Variants in EFTUD2 observed in about 807,000 individuals in gnomAD.
EFTUD2 encodes the protein elongation factor Tu GTP binding domain containing 2, also known as 116 kDa U5 small nuclear ribonucleoprotein component.
A neutral mutation model predicts 114.3 loss-of-function variants in EFTUD2; 9 were observed. The observed-to-expected ratio is 0.08, with a 90% CI of 0.05 to 0.14. EFTUD2 has a LOEUF of 0.14. Among genes scored for constraint, EFTUD2 ranks in the 10% least tolerant of loss-of-function variants. EFTUD2 has a pLI of 1.00. For synonymous variants in EFTUD2, 449 were observed against 462.3 expected, an observed-to-expected ratio of 0.97 and a Z score of 0.37; for missense variants, 765 against 1,241.2, an observed-to-expected ratio of 0.62 and a Z score of 5.76.
chr17:44,859,715 C>T (rs1198810734), intron 18 of EFTUD2, 190 bp downstream of exon 18: 6 of 869,758 alleles, frequency 6.9e-6, no homozygotes, highest in Non-Finnish European at 8.8e-6. Flanking sequence ...CTTGTTTTAA[C>T]ACACACACAT....
chr17:44,882,325 CA>C (rs1402144991), intron 6 of EFTUD2, among the ~76,000 whole-genome samples: 3 of 151,806 alleles, frequency 2.0e-5, no homozygotes, highest in Non-Finnish European at 4.4e-5. Flanking sequence ...AATCTTGGCT[CA>C]CTGCAACCTC....
intron 9 of EFTUD2, among the ~76,000 whole-genome samples, chr17:44,876,874 A>AAAAAC (rs2050966082): frequency 6.7e-6 from 1 of 150,210 alleles, no homozygotes; most frequent in Non-Finnish European, 1.5e-5. Flanking sequence ...AAAAAAAAAA[A>AAAAAC]AAAAAAACTA....
intron 16 of EFTUD2, among the ~76,000 whole-genome samples, chr17:44,860,913 T>G (rs1231579027): frequency 6.6e-6 from 1 of 152,098 alleles, no homozygotes; most frequent in Non-Finnish European, 1.5e-5. Context: ...CCACAAAAAT[T>G]TACTGAGTAC....
intron 10 of EFTUD2, 124 bp from the exon 11 acceptor site, chr17:44,872,694 C>A (rs2050877704): frequency 5.4e-6 from 7 of 1,292,762 alleles, no homozygotes; most frequent in Non-Finnish European, 7.2e-6. Flanking sequence ...TTGTGCAAGA[C>A]ACTCAGTTTT....
chr17:44,854,664 G>A lies in EFTUD2; in HGVS notation c.2151C>T (p.Phe717=). The change falls in exon 22 of 28, where the codon TTC becomes TTT. Residue 717 remains phenylalanine (F), a synonymous_variant. Coordinates refer to ENST00000426333, the MANE Select transcript of EFTUD2 (RefSeq NM_004247.4). The surrounding 1 kb of genome is among the most constrained non-coding windows in gnomAD (Gnocchi z 4.3). ...GATCCCAATCGTACTTGGTCTGGAA[G>A]AACTCTCCCAGCTTCTTCCTGGGGA... ...ITWNRKKLGE[F]FQTKYDWDLL... is the part of the protein sequence containing the mutation. 1 of 1,613,864 alleles carries A rather than the reference G, an allele frequency of 6.2e-7. No individual in the cohort carries two copies. Among genetic ancestry groups the A allele is most frequent in the Non-Finnish European group, 8.5e-7 (1 of 1,179,822 alleles).
rs1421429639 is a variant in EFTUD2, at chr17:44,879,596, A to G, written c.662T>C (p.Ile221Thr). The change falls in exon 9 of 28, where the codon ATC becomes ACC. Residue 221 changes from isoleucine (I) to threonine (T), a missense_variant. Physicochemically the swap from Ile to Thr is moderately conservative, Grantham distance 89 (BLOSUM62 -1). Coordinates refer to ENST00000426333, the MANE Select transcript of EFTUD2 (RefSeq NM_004247.4). The part of the protein sequence containing the change: ...FSDEVTAGLR[I>T]SDGVVLFIDA... Reference sequence around the variant, plus strand: ...AATGAAAAGGACCACTCCATCTGAGATGCGCAAGCCAGCTGTGACCTCATC... The same window carrying G: ...AATGAAAAGGACCACTCCATCTGAGGTGCGCAAGCCAGCTGTGACCTCATC... 6.2e-7 allele frequency: 1 copy of G among 1,613,896 alleles called. No individual in the cohort carries two copies. Among genetic ancestry groups the G allele is most frequent in the Non-Finnish European group, 8.5e-7 (1 of 1,179,966 alleles).
At chr17:44,867,744 C>T (rs1309477344) in intron 13 of EFTUD2, 63 bp downstream of exon 13, 2 of 1,354,466 alleles carry the variant, frequency 1.5e-6, no homozygotes, top group African/African-American at 1.5e-5. Context: ...AGTGTGAGTT[C>T]ACCAGCTCTT....
intron 19 of EFTUD2, among the ~76,000 whole-genome samples, chr17:44,858,306 G>C (rs2050594176): frequency 6.6e-6 from 1 of 152,180 alleles, no homozygotes; most frequent in Admixed American, 6.5e-5. Flanking sequence ...CATGATCGTA[G>C]CTCACTGCAG....
At position 44,872,559 on chromosome 17, in the gene EFTUD2, G is replaced by A; in HGVS notation, c.881C>T (p.Thr294Ile). The change falls in exon 11 of 28, where the codon ACT (threonine) becomes ATT (isoleucine). Residue 294 changes from threonine (T) to isoleucine (I), a missense_variant. Around this residue, in one of 6 missense-constraint regions of EFTUD2, gnomAD observed 251 missense variants for 357.7 expected, o/e 0.70. Transcript: ENST00000426333. ...EVNGLISMYS[T>I]DENLILSPLL... Reference sequence around the variant, plus strand: ...TGGGGAAAGGATCAGGTTCTCATCAGTGGAATACATGCTGAAACAGAGACA... The same window carrying A: ...TGGGGAAAGGATCAGGTTCTCATCAATGGAATACATGCTGAAACAGAGACA... 1 of 1,610,594 alleles carries A rather than the reference G, an allele frequency of 6.2e-7. No individual in the cohort carries two copies. Among genetic ancestry groups the A allele is most frequent in the Non-Finnish European group, 8.5e-7 (1 of 1,177,944 alleles).
intron 27 of EFTUD2, 137 bp downstream of exon 27, chr17:44,851,573 C>T (rs1597786167): frequency 9.8e-7 from 1 of 1,019,780 alleles, no homozygotes; most frequent in Non-Finnish European, 1.4e-6. Flanking sequence ...GGTTTGGTTG[C>T]CTAAGGAGTA....
At chr17:44,869,474 A>T (rs1567740320) in intron 11 of EFTUD2, among the ~76,000 whole-genome samples, 1 of 152,098 alleles carries the variant, frequency 6.6e-6, no homozygotes, top group East Asian at 1.9e-4. Flanking sequence ...AATTTTTAAA[A>T]TTTTTTGTAG....
rs2145581684 is a variant in EFTUD2 at position 44,894,440 on chromosome 17, T to C, written c.82A>G (p.Arg28Gly). Residue 28 changes from arginine to glycine, a missense_variant, in exon 2 of 28, where the codon AGA (arginine) becomes GGA (glycine). Arg to Gly is a moderately radical substitution (Grantham distance 125, BLOSUM62 -2). This residue lies in a region of EFTUD2 where 121 missense variants were observed against 133.7 expected (regional missense o/e 0.90). Coordinates refer to ENST00000426333, the MANE Select transcript of EFTUD2 (RefSeq NM_004247.4). ...DSDEDDDELG[R>G]ETKDLDEMDD... ...ACCTCATCAAGATCTTTGGTCTCTC[T>C]ACCCAATTCATCATCATCTTCATCA... The C allele has an allele frequency of 6.2e-7, 1 of 1,613,790 alleles. No individual in the cohort carries two copies. Among genetic ancestry groups the C allele is most frequent in the Non-Finnish European group, 8.5e-7 (1 of 1,179,644 alleles).
chr17:44,878,761 C>T (rs1011763359), intron 9 of EFTUD2, among the ~76,000 whole-genome samples: 3 of 152,136 alleles, frequency 2.0e-5, no homozygotes, highest in Non-Finnish European at 4.4e-5. Flanking sequence ...TGAAGCTTTT[C>T]AGTTTGCTGC....
At chr17:44,859,602 A>G in intron 18 of EFTUD2, 1 of 528,180 alleles carries the variant, frequency 1.9e-6, no homozygotes, top group East Asian at 3.2e-5. Flanking sequence ...TAAGAAATGT[A>G]TTTTTGTCTA....
At chr17:44,895,222 G>A (rs1338770785) in intron 1 of EFTUD2, among the ~76,000 whole-genome samples, 1 of 152,272 alleles carries the variant, frequency 6.6e-6, no homozygotes, top group Non-Finnish European at 1.5e-5. Context: ...GAGGCCGGGC[G>A]CGGTGGCGCA....
At chr17:44,887,448 A>G (rs2051195048) in intron 2 of EFTUD2, among the ~76,000 whole-genome samples, 1 of 152,230 alleles carries the variant, frequency 6.6e-6, no homozygotes, top group South Asian at 2.1e-4. Flanking sequence ...GGATAAATGA[A>G]ATGTGGTACA....
intron 14 of EFTUD2, among the ~76,000 whole-genome samples, chr17:44,864,478 T>C (rs988911409): frequency 5.9e-5 from 9 of 152,206 alleles, no homozygotes; most frequent in Non-Finnish European, 1.2e-4. Flanking sequence ...TCTCATGGAA[T>C]GGCCAGGGCA....
intron 2 of EFTUD2, among the ~76,000 whole-genome samples, chr17:44,892,958 T>A (rs868083046): frequency 5.3e-5 from 8 of 151,866 alleles, no homozygotes; most frequent in Non-Finnish European, 1.0e-4. Context: ...GAAAAAAAAA[T>A]GCTGGTTTAT....
At chr17:44,896,676 T>C (rs1005253233) in intron 1 of EFTUD2, among the ~76,000 whole-genome samples, 2 of 151,948 alleles carry the variant, frequency 1.3e-5, no homozygotes, top group Admixed American at 1.3e-4. Flanking sequence ...AATAAACAAA[T>C]AGTAGTTACT....
Sources: allele counts gnomAD v4.1 joint callset (sites outside exome capture counted in the v4.1 genomes callset), GRCh38; gene constraint gnomAD v4.1.1; regional missense constraint gnomAD v4.1.1; non-coding constraint Gnocchi (gnomAD v3.1); transcripts MANE v1.5; gene names NCBI Gene and HGNC (gene_info 2026-07-23, HGNC 2026-07-21).